Variants in ECSIT observed in about 807,000 individuals in gnomAD.
ECSIT encodes the protein evolutionarily conserved signaling intermediate in Toll pathway, mitochondrial.
ECSIT carries 29 observed loss-of-function variants against 36.8 expected under a neutral mutation model. The observed-to-expected ratio is 0.79, with a 90% CI of 0.59 to 1.08. The LOEUF is 1.08. Among genes scored for constraint, ECSIT ranks in the 50% least tolerant of loss-of-function variants. The pLI, the probability that ECSIT is intolerant of heterozygous loss-of-function variation, is 0.00. For synonymous variants in ECSIT, 231 were observed against 234.8 expected (o/e 0.98, Z 0.15); for missense variants, 542 against 581.0 (o/e 0.93, Z 0.69).
chr19:11,516,376 G>A (rs1486012128), intron 2 of ECSIT: 1 of 152,094 alleles, frequency 6.6e-6, no homozygotes, highest in Non-Finnish European at 1.5e-5. Context: ...AAATTAGAAG[G>A]GTTACATATA....
At chr19:11,525,683 C>G (rs918757658) in intron 1 of ECSIT, 3 of 150,548 alleles carry the variant, frequency 2.0e-5, no homozygotes, top group Non-Finnish European at 2.9e-5. Flanking sequence ...CAGCTGATCA[C>G]CTGAGGTCGG....
At chr19:11,525,758 AAAAT>A in intron 1 of ECSIT, 1 of 151,212 alleles carries the variant, frequency 6.6e-6, no homozygotes, top group African/African-American at 2.4e-5. Flanking sequence ...AAAAAAAAAA[AAAAT>A]ACAAAATTAG....
intron 2 of ECSIT, among the ~76,000 whole-genome samples, chr19:11,515,293 CG>C (rs1189805392): frequency 6.7e-6 from 1 of 148,774 alleles, no homozygotes; most frequent in African/African-American, 2.5e-5. Context: ...TTAGTAGAGA[CG>C]GGGTTTCACT....
chr19:11,519,229 C>T lies in ECSIT; in HGVS notation c.-23-36G>A, dbSNP rs1266193428. On this transcript the variant is annotated intron_variant, in intron 1 of 7. Transcript: ENST00000270517. This position sits in a 1 kb window ranked among gnomAD's most constrained non-coding sequence, Gnocchi z 4.4. ...AGAAGATTCAGCATTAGCCTGGCACCTTACAGATGCTAACAGACGCAAGGG... is the reference window on the plus strand; with the variant it reads ...AGAAGATTCAGCATTAGCCTGGCACTTTACAGATGCTAACAGACGCAAGGG... 6 of 1,420,548 alleles carry T rather than the reference C, an allele frequency of 4.2e-6. No homozygotes were observed. Among genetic ancestry groups the T allele is most frequent in the Non-Finnish European group, 5.8e-6 (6 of 1,036,162 alleles). 88.0% of individuals were successfully genotyped at this position (1,420,548 alleles called of 1,614,324 possible).
At position 11,514,200 on chromosome 19, in the gene ECSIT, C is replaced by G. The variant is rs750485905; in HGVS notation, c.118G>C (p.Gly40Arg). The G allele has an allele frequency of 2.5e-6, 4 of 1,605,708 alleles. No individual in the cohort carries two copies. The South Asian group carries it at 4.4e-5, about 18-fold the overall frequency. ...TGGGCAGCTGCGCTGCAGTGGAGGC[C>G]CCGAGGGAGCCGGCGAGGGACCTGG... ...ISQVPRRLPRGLHCSAAAHSS... is the reference protein window; with the variant it reads ...ISQVPRRLPRRLHCSAAAHSS... The change falls in exon 3 of 8, where the codon GGC becomes CGC. Residue 40 changes from glycine to arginine, a missense_variant. Gly to Arg is a moderately radical substitution (Grantham distance 125). Transcript: ENST00000270517.
chr19:11,527,710 C>T (rs1972244437), intron 1 of ECSIT, among the ~76,000 whole-genome samples: 1 of 151,990 alleles, frequency 6.6e-6, no homozygotes, highest in African/African-American at 2.4e-5. Flanking sequence ...AATAAATAGC[C>T]AGGGAGCAGT....
Position 11,514,027 on chromosome 19 carries a change from C to G in ECSIT, c.291G>C (p.Ala97=). Reference sequence around the variant, plus strand: ...GGCCCCGCTTACGCACGCTGTGCTCCGCAAATTTCTGCACCGTCTGCAGGA... The same window carrying G: ...GGCCCCGCTTACGCACGCTGTGCTCGGCAAATTTCTGCACCGTCTGCAGGA... ...ASFLQTVQKF[A]EHSVRKRGHI... is the part of the protein sequence containing the mutation. Residue 97 remains alanine (A), a synonymous_variant, in exon 3 of 8, where the codon GCG becomes GCC. Coordinates refer to ENST00000270517, the MANE Select transcript of ECSIT (RefSeq NM_016581.5). The G allele has an allele frequency of 1.2e-6, 2 of 1,614,204 alleles. No individual in the cohort carries two copies. Among genetic ancestry groups the G allele is most frequent in the Non-Finnish European group, 1.7e-6 (2 of 1,180,036 alleles).
chr19:11,513,642 CAAGA>C (rs1198119212), intron 3 of ECSIT, among the ~76,000 whole-genome samples, 158 bp downstream of exon 3: 2 of 146,342 alleles, frequency 1.4e-5, no homozygotes, highest in African/African-American at 5.1e-5. Flanking sequence ...CAGAGGGAGG[CAAGA>C]AAGAGAGATG....
chr19:11,523,892 G>C, intron 1 of ECSIT: 1 of 432,002 alleles, frequency 2.3e-6, no homozygotes. Context: ...TAATCACTGA[G>C]ACCTCTGGAC....
chr19:11,522,996 G>A (rs948257886), intron 1 of ECSIT, among the ~76,000 whole-genome samples: 11 of 150,948 alleles, frequency 7.3e-5, no homozygotes, highest in Admixed American at 3.3e-4. Context: ...GTGTGAACCC[G>A]GGAGGCGGAG....
intron 3 of ECSIT, 121 bp downstream of exon 3, chr19:11,513,683 G>A: frequency 8.2e-7 from 1 of 1,214,762 alleles, no homozygotes; most frequent in Non-Finnish European, 1.2e-6. Flanking sequence ...ATTCGGAGAG[G>A]GAGAAGAGCG....
intron 1 of ECSIT, chr19:11,525,530 CAAAA>C (rs996273196): frequency 2.6e-5 from 4 of 151,522 alleles, no homozygotes; most frequent in African/African-American, 7.3e-5. Flanking sequence ...AAAACAAAAA[CAAAA>C]ACAAAAAAAC....
chr19:11,509,537 G>A (rs1263604381), intron 4 of ECSIT, among the ~76,000 whole-genome samples: 4 of 151,564 alleles, frequency 2.6e-5, no homozygotes, highest in African/African-American at 7.3e-5. Context: ...GGAGGCCGAG[G>A]GTGGTGGATC....
At chr19:11,517,983 C>A (rs1047810121) in intron 2 of ECSIT, among the ~76,000 whole-genome samples, 3 of 152,026 alleles carry the variant, frequency 2.0e-5, no homozygotes, top group Admixed American at 6.6e-5. Context: ...CCCTCACCCA[C>A]GTAGGCACTA....
At chr19:11,508,399 T>TTTTTTTTTTTTTTA (rs1971803181) in intron 4 of ECSIT, among the ~76,000 whole-genome samples, 4 of 150,992 alleles carry the variant, frequency 2.6e-5, no homozygotes, top group African/African-American at 9.8e-5. Context: ...TTTTTTTTTT[T>TTTTTTTTTTTTTTA]AGGGATGGGG....
At chr19:11,517,433 C>T (rs1415005931) in intron 2 of ECSIT, among the ~76,000 whole-genome samples, 1 of 151,418 alleles carries the variant, frequency 6.6e-6, no homozygotes, top group Non-Finnish European at 1.5e-5. Flanking sequence ...CCATCTCTAC[C>T]AAAAATGCAA....
At position 11,508,044 on chromosome 19, in the gene ECSIT, G is replaced by A; in HGVS notation, c.743C>T (p.Pro248Leu). 2.5e-6 allele frequency: 4 copies of A among 1,614,146 alleles called. No individual in the cohort carries two copies. Among genetic ancestry groups the A allele is most frequent in the Non-Finnish European group, 3.4e-6 (4 of 1,180,032 alleles). Reference protein sequence around the residue: ...LSARVTIYQVPLPKDSTGAAD... With the variant: ...LSARVTIYQVLLPKDSTGAAD... ...TGCACCTGTTGAGTCTTTGGGCAAA[G>A]GAACCTGCAAGGGAGAGTAGGGATA... Residue 248 changes from proline to leucine, a missense_variant, in exon 5 of 8, where the codon CCT becomes CTT. By Grantham distance (98) the Pro-to-Leu change is moderately conservative. Coordinates refer to ENST00000270517, the MANE Select transcript of ECSIT (RefSeq NM_016581.5).
At position 11,506,415 on chromosome 19, in the gene ECSIT, A is replaced by G. The variant is rs1446492742; in HGVS notation, c.1065T>C (p.Pro355=). ...CACCCGCCATGCACATGGCGAAGAC[A>G]GGGCCTTCCTCCACTGTTGGAAGAC... ...EFDINEVEEG[P]VFAMCMAGAH... Residue 355 remains proline (P), a synonymous_variant, in exon 8 of 8, where the codon CCT becomes CCC. Coordinates refer to ENST00000270517, the MANE Select transcript of ECSIT (RefSeq NM_016581.5). 1.2e-6 allele frequency: 2 copies of G among 1,611,912 alleles called. No individual in the cohort carries two copies. Among genetic ancestry groups the G allele is most frequent in the Non-Finnish European group, 1.7e-6 (2 of 1,178,746 alleles).
chr19:11,507,948 G>C, intron 5 of ECSIT, 43 bp downstream of exon 5: 1 of 1,614,028 alleles, frequency 6.2e-7, no homozygotes, highest in South Asian at 1.1e-5. Flanking sequence ...GCAGGGCCTG[G>C]GTAAGGTTAG....
Sources: allele counts gnomAD v4.1 joint callset (sites outside exome capture counted in the v4.1 genomes callset), GRCh38; gene constraint gnomAD v4.1.1; non-coding constraint Gnocchi (gnomAD v3.1); transcripts MANE v1.5; gene names NCBI Gene and HGNC (gene_info 2026-07-23, HGNC 2026-07-21).